The following ACVR1C variants were observed in gnomAD, a reference collection of about 807,000 sequenced individuals.
ACVR1C encodes the protein activin receptor type-1C.
Under a neutral mutation model 57.9 loss-of-function variants are expected in ACVR1C, and 23 were observed. That is an observed-to-expected ratio of 0.40 (90% CI 0.29 to 0.56). The LOEUF (loss-of-function observed/expected upper bound fraction) is 0.56, where lower values mean the gene tolerates loss of function less well. ACVR1C is among the 20% of genes least tolerant of loss of function. The pLI, the probability that ACVR1C is intolerant of heterozygous loss-of-function variation, is 0.50. For synonymous variants in ACVR1C, 214 were observed against 215.3 expected, an observed-to-expected ratio of 0.99 and a Z score of 0.05; for missense variants, 480 against 607.9, an observed-to-expected ratio of 0.79 and a Z score of 2.21.
intron 1 of ACVR1C, among the ~76,000 whole-genome samples, chr2:157,626,208 A>G (rs1388033682): frequency 6.6e-6 from 1 of 152,196 alleles, no homozygotes. Flanking sequence ...GCCTCAAGCA[A>G]TCCTCACACC....
chr2:157,560,120 G>A (rs535554457), intron 2 of ACVR1C, among the ~76,000 whole-genome samples: 2 of 152,300 alleles, frequency 1.3e-5, no homozygotes, highest in Non-Finnish European at 2.9e-5. Flanking sequence ...TGAAGACTTA[G>A]TTTAAATGCA....
intron 2 of ACVR1C, among the ~76,000 whole-genome samples, chr2:157,572,857 C>T (rs1688551324): frequency 6.6e-6 from 1 of 152,070 alleles, no homozygotes; most frequent in Admixed American, 6.5e-5. Flanking sequence ...GTCAGGTGTG[C>T]CCTGTGTCCC....
At chr2:157,567,311 C>T (rs2105236833) in intron 2 of ACVR1C, among the ~76,000 whole-genome samples, 1 of 106,924 alleles carries the variant, frequency 9.4e-6, no homozygotes, top group Non-Finnish European at 2.0e-5. Flanking sequence ...CCGAGCACCT[C>T]TCCTCCTCCA....
At chr2:157,584,044 T>TA (rs146054769) in intron 2 of ACVR1C, among the ~76,000 whole-genome samples, 11,498 of 151,918 alleles carry the variant, frequency 0.076, 631 homozygotes, top group Admixed American at 0.11. Flanking sequence ...TTGTGCTCTG[T>TA]AAAAAATACC....
At position 157,542,741 on chromosome 2, in the gene ACVR1C, G is replaced by A. The variant is rs767177464; in HGVS notation, c.1065C>T (p.Ile355=). ...AVKHDSILNT[I]DIPQNPKVGT... ...CCACTTTAGGATTCTGAGGTATGTC[G>A]ATAGTGTTCAGTATTGAATCATGCT... The change falls in exon 6 of 9, where the codon ATC becomes ATT. Residue 355 remains isoleucine, a synonymous_variant. Transcript: ENST00000243349. The A allele has an allele frequency of 2.3e-5, 37 of 1,613,622 alleles. No individual in the cohort carries two copies. Among genetic ancestry groups the A allele is most frequent in the East Asian group, 6.7e-5 (3 of 44,840 alleles).
At chr2:157,578,483 T>C (rs1688714773) in intron 2 of ACVR1C, among the ~76,000 whole-genome samples, 2 of 152,332 alleles carry the variant, frequency 1.3e-5, no homozygotes, top group South Asian at 4.1e-4. Flanking sequence ...TGATTATTAC[T>C]GTTATTGTCA....
chr2:157,550,209 A>G lies in ACVR1C; in HGVS notation c.728T>C (p.Met243Thr). The G allele has an allele frequency of 1.2e-6, 2 of 1,614,154 alleles. No homozygotes were observed. The highest frequency in any genetic ancestry group is 8.5e-7 in the Non-Finnish European group (1 of 1,180,036). Reference sequence around the variant, plus strand: ...ACCAAGGATGTTTTCATGTCGCAGCATGACCGTCTGGTAAATTTCTGCCTC... The same window carrying G: ...ACCAAGGATGTTTTCATGTCGCAGCGTGACCGTCTGGTAAATTTCTGCCTC... ...FREAEIYQTV[M>T]LRHENILGFI... The change falls in exon 4 of 9, where the codon ATG (methionine) becomes ACG (threonine). Residue 243 changes from methionine to threonine, a missense_variant. Coordinates refer to ENST00000243349, the MANE Select transcript of ACVR1C (RefSeq NM_145259.3).
rs189976880 is a variant in ACVR1C at position 157,530,302 on chromosome 2, G to T, written c.*3616C>A. On this transcript the variant is annotated 3_prime_UTR_variant, in exon 9 of 9. Coordinates refer to ENST00000243349, the MANE Select transcript of ACVR1C (RefSeq NM_145259.3). ...CATTCTCATACTTATTTCAATCAAA[G>T]ACTATGCCCTAACAAGCAATTTTAA... 1.3e-5 allele frequency: 2 copies of T among 152,144 alleles called. No homozygotes were observed. The highest frequency in any genetic ancestry group is 3.9e-4 in the East Asian group (2 of 5,186). The allele number at this position is 152,144 out of a possible 1,614,324, so 9.4% of individuals were successfully genotyped here.
At position 157,528,197 on chromosome 2, in the gene ACVR1C, C is replaced by T. The variant is rs1312561435; in HGVS notation, c.*5721G>A. 4 of 152,088 alleles carry T rather than the reference C, an allele frequency of 2.6e-5. No homozygotes were observed. The highest frequency in any genetic ancestry group is 4.4e-5 in the Non-Finnish European group (3 of 68,040). The allele number at this position is 152,088 out of a possible 1,614,324, so 9.4% of individuals were successfully genotyped here. A position where few individuals can be genotyped will look rare whatever the true frequency, so the allele number is the denominator to read the frequency against. ...AGCCAATTGCAGTTGGATTTTAGCC[C>T]GCACCTGCCCCTCAGCTGGGAAGAT... On this transcript the variant is annotated 3_prime_UTR_variant, in exon 9 of 9. Coordinates refer to ENST00000243349, the MANE Select transcript of ACVR1C (RefSeq NM_145259.3).
At chr2:157,589,981 A>G (rs766021109) in intron 1 of ACVR1C, among the ~76,000 whole-genome samples, 54 of 151,740 alleles carry the variant, frequency 3.6e-4, no homozygotes, top group Non-Finnish European at 6.1e-4. Context: ...ATAGCTACAC[A>G]TAGAAAAATG....
At chr2:157,612,449 A>C (rs1359411911) in intron 1 of ACVR1C, among the ~76,000 whole-genome samples, 2 of 152,180 alleles carry the variant, frequency 1.3e-5, no homozygotes, top group Non-Finnish European at 2.9e-5. Flanking sequence ...CAAGGGCCAC[A>C]TTGCTAGTGG....
chr2:157,530,434 A>T lies in ACVR1C; in HGVS notation c.*3484T>A, dbSNP rs1687326804. 6 of 152,044 alleles carry T rather than the reference A, an allele frequency of 3.9e-5. No homozygotes were observed. The South Asian group carries it at 1.0e-3, about 26-fold the overall frequency. The allele number at this position is 152,044 out of a possible 1,614,324, so 9.4% of individuals were successfully genotyped here. On this transcript the variant is annotated 3_prime_UTR_variant, in exon 9 of 9. Coordinates refer to ENST00000243349, the MANE Select transcript of ACVR1C (RefSeq NM_145259.3). The stretch of plus-strand genomic sequence containing the variant: ...TTGTGCAGACTCAAAGACAACCCTG[A>T]GTTTTCTCTGCCCCAATAAGTCACA...
intron 2 of ACVR1C, among the ~76,000 whole-genome samples, chr2:157,585,886 G>C (rs772473545): frequency 6.6e-6 from 1 of 152,132 alleles, no homozygotes; most frequent in African/African-American, 2.4e-5. Flanking sequence ...AACTTTTGAG[G>C]TTGCAATATA....
intron 3 of ACVR1C, among the ~76,000 whole-genome samples, chr2:157,555,151 A>G (rs367828070): frequency 0.045 from 4,811 of 107,276 alleles, 213 homozygotes; most frequent in African/African-American, 0.15. Flanking sequence ...TCGCTCTGTC[A>G]CCCAGGCCGG....
intron 3 of ACVR1C, among the ~76,000 whole-genome samples, chr2:157,550,606 G>A (rs769480019): frequency 4.6e-5 from 7 of 151,948 alleles, no homozygotes; most frequent in East Asian, 3.9e-4. Context: ...TTGTCTTGTC[G>A]TATTCACAAG....
chr2:157,574,776 G>T (rs75245078), intron 2 of ACVR1C, among the ~76,000 whole-genome samples: 6,944 of 152,220 alleles, frequency 0.046, 291 homozygotes, highest in African/African-American at 0.11. Context: ...ATCTGAAGAT[G>T]GGTAGTCCAA....
rs1037089078 is a variant in ACVR1C, at chr2:157,528,885, T to C, written c.*5033A>G. 3.3e-5 allele frequency: 5 copies of C among 152,182 alleles called. No individual in the cohort carries two copies. The highest frequency in any genetic ancestry group is 3.3e-4 in the Admixed American group (5 of 15,270). The allele number at this position is 152,182 out of a possible 1,614,324, so 9.4% of individuals were successfully genotyped here. On this transcript the variant is annotated 3_prime_UTR_variant, in exon 9 of 9. Coordinates refer to ENST00000243349, the MANE Select transcript of ACVR1C (RefSeq NM_145259.3). ...TGGAGAAGTTATGAGGTGAAACCTC[T>C]TATACAGAGAACTTAAAATCTTGTT...
At chr2:157,597,322 C>T in intron 1 of ACVR1C, 2 of 985,412 alleles carry the variant, frequency 2.0e-6, no homozygotes, top group Non-Finnish European at 1.2e-6. Context: ...CAAAAAGGAC[C>T]TTGGCACCCC....
At chr2:157,600,900 C>T (rs929200251) in intron 1 of ACVR1C, among the ~76,000 whole-genome samples, 4 of 152,154 alleles carry the variant, frequency 2.6e-5, no homozygotes, top group African/African-American at 7.2e-5. Context: ...CATCACCTAC[C>T]CCTCCCTTCA....
Sources: gnomAD v4.1 joint callset for allele counts (sites outside exome capture counted in the v4.1 genomes callset) on GRCh38, gnomAD v4.1.1 for gene constraint, MANE v1.5 for transcripts, NCBI Gene and HGNC (gene_info 2026-07-23, HGNC 2026-07-21) for gene names.